MITF: variants seen among roughly 807,000 people sequenced by gnomAD.
MITF encodes the protein melanocyte inducing transcription factor, also known as microphthalmia-associated transcription factor.
A neutral mutation model predicts 60.5 loss-of-function variants in MITF; 17 were observed. That is an observed-to-expected ratio of 0.28 (90% CI 0.19 to 0.42). The LOEUF (loss-of-function observed/expected upper bound fraction) is 0.42, where lower values mean the gene tolerates loss of function less well. Among genes scored for constraint, MITF ranks in the 10% least tolerant of loss-of-function variants. MITF has a pLI of 1.00. For missense variants in MITF, 622 were observed against 683.5 expected, an observed-to-expected ratio of 0.91 and a Z score of 1.00; for synonymous variants, 260 against 248.5, an observed-to-expected ratio of 1.05 and a Z score of -0.43.
At position 69,790,479 on chromosome 3, in the gene MITF, G is replaced by A. The variant is rs192037936; in HGVS notation, c.104+50778G>A. On this transcript the variant is annotated intron_variant, in intron 1 of 9. Transcript: ENST00000352241. The stretch of plus-strand genomic sequence containing the variant: ...AAATGGTTAAAATGGTAAATTTTAT[G>A]TAACATGTTTGTTTATTTGTTTTTT... Among the ~76,000 whole-genome samples, 482 of 152,246 alleles carry A rather than the reference G, an allele frequency of 3.2e-3. 2 individuals carry two copies. Among genetic ancestry groups the A allele is most frequent in the Non-Finnish European group, 5.4e-3 (370 of 68,018 alleles).
intron 1 of MITF, among the ~76,000 whole-genome samples, chr3:69,785,512 C>T (rs1175882401): frequency 2.0e-5 from 3 of 152,194 alleles, no homozygotes; most frequent in Non-Finnish European, 4.4e-5. Flanking sequence ...CAAATTCATG[C>T]ATTTAACCAT....
intron 2 of MITF, among the ~76,000 whole-genome samples, chr3:69,921,568 T>C (rs138058847): frequency 2.2e-4 from 33 of 152,350 alleles, no homozygotes; most frequent in African/African-American, 7.5e-4. Context: ...TTCTTGAGTA[T>C]TGAATTAGGC....
intron 1 of MITF, among the ~76,000 whole-genome samples, chr3:69,866,900 G>A (rs561943242): frequency 7.3e-6 from 1 of 136,706 alleles, no homozygotes; most frequent in Non-Finnish European, 1.6e-5. Flanking sequence ...TTGCATTCTT[G>A]TATATTGATT....
chr3:69,792,274 T>C (rs888459519), intron 1 of MITF, among the ~76,000 whole-genome samples: 1 of 152,182 alleles, frequency 6.6e-6, no homozygotes, highest in Non-Finnish European at 1.5e-5. Context: ...TCTTCAATTT[T>C]ATTTCACTGC....
At chr3:69,920,937 G>A (rs969350958) in intron 2 of MITF, among the ~76,000 whole-genome samples, 7 of 152,030 alleles carry the variant, frequency 4.6e-5, no homozygotes, top group Admixed American at 2.6e-4. Context: ...GCTCGACCTC[G>A]GCTCACTGCA....
rs370943773 is a variant in MITF at position 69,845,303 on chromosome 3, T to G, written c.105-33831T>G. On this transcript the variant is annotated intron_variant, in intron 1 of 9. Coordinates refer to ENST00000352241, the MANE Select transcript of MITF (RefSeq NM_001354604.2). The stretch of plus-strand genomic sequence containing the variant: ...AATGACTTCTTTCTCCCAGATCATT[T>G]TATTTTTATTTTTGGCCTAGTAAAT... 7.0e-4 allele frequency among the ~76,000 whole-genome samples: 106 copies of G among 152,090 alleles called. 3 individuals are homozygous for G. In the South Asian group the frequency reaches 0.021, roughly 30 times the overall value.
intron 1 of MITF, among the ~76,000 whole-genome samples, chr3:69,848,369 C>A (rs2063767100): frequency 6.6e-6 from 1 of 152,178 alleles, no homozygotes; most frequent in Admixed American, 6.5e-5. Context: ...CAAATATTGG[C>A]TGGCCATGGA....
At chr3:69,830,734 T>C (rs1356394403) in intron 1 of MITF, among the ~76,000 whole-genome samples, 1 of 145,772 alleles carries the variant, frequency 6.9e-6, no homozygotes, top group African/African-American at 2.8e-5. Context: ...TGAACAGATA[T>C]GATATCTGTC....
chr3:69,945,061 A>C (rs76465071), intron 5 of MITF, among the ~76,000 whole-genome samples: 2,186 of 152,286 alleles, frequency 0.014, 23 homozygotes, highest in Middle Eastern at 0.051. Flanking sequence ...AGAAATAACT[A>C]TTCTGAGAGC....
rs971814198 is a variant in MITF, at chr3:69,967,667, G to A, written c.*2419G>A. ...CCTTAAGAGACAATTTCTGCAGGTG[G>A]CAGGTGAGCAAGCCCAGGAGAATGC... On this transcript the variant is annotated 3_prime_UTR_variant, in exon 10 of 10. Transcript: ENST00000352241. 4.3e-6 allele frequency: 1 copy of A among 233,106 alleles called. No individual in the cohort carries two copies. Among genetic ancestry groups the A allele is most frequent in the African/African-American group, 2.2e-5 (1 of 45,416 alleles). 14.4% of individuals were successfully genotyped at this position (233,106 alleles called of 1,614,324 possible).
chr3:69,948,545 TA>T lies in MITF; in HGVS notation c.763-493del, dbSNP rs796754740. Among the ~76,000 whole-genome samples the T allele has an allele frequency of 3.4e-3, 475 of 139,204 alleles. 2 individuals carry two copies. The highest frequency in any genetic ancestry group is 7.5e-3 in the African/African-American group (288 of 38,224). 91.3% of individuals were successfully genotyped at this position (139,204 alleles called of 152,430 possible). A position where few individuals can be genotyped will look rare whatever the true frequency, so the allele number is the denominator to read the frequency against. On this transcript the variant is annotated intron_variant, in intron 5 of 9. Coordinates refer to ENST00000352241, the MANE Select transcript of MITF (RefSeq NM_001354604.2). ...TAGCAATAAGGAAATCATTTCCAAT[TA>T]AAAAAAAAAAAACTTTCATTGCTTT...
chr3:69,895,848 G>GTGTGT (rs60449544), intron 2 of MITF, among the ~76,000 whole-genome samples: 1 of 139,602 alleles, frequency 7.2e-6, no homozygotes, highest in Admixed American at 7.1e-5. Context: ...GTGTGTGTGT[G>GTGTGT]TATGTGTGTG....
At chr3:69,877,247 ATTTGTAAAGAGC>A (rs1365506993) in intron 1 of MITF, among the ~76,000 whole-genome samples, 1 of 152,180 alleles carries the variant, frequency 6.6e-6, no homozygotes, top group East Asian at 1.9e-4. Flanking sequence ...ATATTTTGCA[ATTTGTAAAGAGC>A]TTTGTAATAT....
intron 1 of MITF, among the ~76,000 whole-genome samples, chr3:69,754,391 G>A (rs1484275085): frequency 6.6e-6 from 1 of 152,074 alleles, no homozygotes; most frequent in Non-Finnish European, 1.5e-5. Context: ...TGGCCAGGCT[G>A]GTCTTGAAAT....
At chr3:69,849,225 A>G (rs1407157536) in intron 1 of MITF, among the ~76,000 whole-genome samples, 3 of 151,844 alleles carry the variant, frequency 2.0e-5, no homozygotes, top group Non-Finnish European at 2.9e-5. Flanking sequence ...CGGCCTCCCA[A>G]AGTGCTGGGA....
At chr3:69,771,136 A>G (rs2062387345) in intron 1 of MITF, among the ~76,000 whole-genome samples, 1 of 152,068 alleles carries the variant, frequency 6.6e-6, no homozygotes. Flanking sequence ...CTAAGTATTT[A>G]TTGTGCACCT....
At chr3:69,765,050 C>T (rs1278386166) in intron 1 of MITF, among the ~76,000 whole-genome samples, 1 of 152,160 alleles carries the variant, frequency 6.6e-6, no homozygotes, top group African/African-American at 2.4e-5. Context: ...AGTGTGCACA[C>T]AGGATGGCTG....
At chr3:69,949,775 G>A (rs2107513205) in intron 6 of MITF, among the ~76,000 whole-genome samples, 1 of 152,228 alleles carries the variant, frequency 6.6e-6, no homozygotes, top group African/African-American at 2.4e-5. Context: ...TAATGCTTTA[G>A]GGAAGGCATT....
intron 2 of MITF, among the ~76,000 whole-genome samples, chr3:69,935,191 G>C (rs995625490): frequency 2.2e-4 from 33 of 152,144 alleles, no homozygotes; most frequent in African/African-American, 7.5e-4. Context: ...AGTGTTTATA[G>C]GCCATCTGCT....
Sources: gnomAD v4.1 joint callset for allele counts (sites outside exome capture counted in the v4.1 genomes callset) on GRCh38, gnomAD v4.1.1 for gene constraint, MANE v1.5 for transcripts, NCBI Gene and HGNC (gene_info 2026-07-23, HGNC 2026-07-21) for gene names.